Variants in MYO18A observed in about 807,000 individuals in gnomAD.
MYO18A encodes the protein unconventional myosin-XVIIIa.
In MYO18A, 78 loss-of-function variants were observed where a neutral mutation model predicts 235.8. That is an observed-to-expected ratio of 0.33 (90% CI 0.28 to 0.40). The LOEUF is 0.40. MYO18A is among the 10% of genes least tolerant of loss of function. The pLI is 1.00. For synonymous variants in MYO18A, 977 were observed against 1,077.8 expected (o/e 0.91, Z 1.83); for missense variants, 2,215 against 2,699.3 (o/e 0.82, Z 3.98).
Position 29,110,029 on chromosome 17 carries a change from A to C in MYO18A, c.3160T>G (p.Trp1054Gly). ...VHCFLPVAEG[W>G]AGEPRSASSR... ...GAGGCGGAACGGGGCTCCCCAGCCC[A>C]GCCCTCAGCTACAGGCAGGAAGCAG... Residue 1054 changes from tryptophan to glycine, a missense_variant, in exon 19 of 42, where the codon TGG becomes GGG. Physicochemically the swap from Trp to Gly is radical, Grantham distance 184. Transcript: ENST00000527372. 1.2e-6 allele frequency: 2 copies of C among 1,613,270 alleles called. No individual in the cohort carries two copies. Among genetic ancestry groups the C allele is most frequent in the Non-Finnish European group, 1.7e-6 (2 of 1,179,792 alleles).
At chr17:29,078,330 T>A (rs2066035297) in intron 41 of MYO18A, 1 of 152,252 alleles carries the variant, frequency 6.6e-6, no homozygotes, top group African/African-American at 2.4e-5. Context: ...CTTGTCTTAC[T>A]ATGGAGCCAA....
At chr17:29,097,938 C>T (rs374191554) in intron 25 of MYO18A, 39 bp from the exon 26 acceptor site, 9 of 1,590,024 alleles carry the variant, frequency 5.7e-6, no homozygotes, top group Non-Finnish European at 6.9e-6. Context: ...CATTCCATCC[C>T]CTCATACCCA....
rs1225937544 is a variant in MYO18A, at chr17:29,111,479, T to C, written c.2845A>G (p.Thr949Ala). 3 of 1,612,392 alleles carry C rather than the reference T, an allele frequency of 1.9e-6. No homozygotes were observed. In the Admixed American group the frequency reaches 5.0e-5, roughly 27 times the overall value. Reference sequence around the variant, plus strand: ...TTCTGGGTGGCTGGGTTCTGCTTGGTGTAGTTCAGCCAGCCAGTCACATTG... The same window carrying C: ...TTCTGGGTGGCTGGGTTCTGCTTGGCGTAGTTCAGCCAGCCAGTCACATTG... ...EYNVTGWLNY[T>A]KQNPATQNAP... Residue 949 changes from threonine (T) to alanine (A), a missense_variant, in exon 17 of 42, where the codon ACC becomes GCC. Transcript: ENST00000527372. The surrounding 1 kb of genome is among the most constrained non-coding windows in gnomAD (Gnocchi z 5.1).
rs148384985 is a variant in MYO18A at position 29,151,692 on chromosome 17, T to C, written c.999+14250A>G. Among the ~76,000 whole-genome samples the C allele has an allele frequency of 1.6e-4, 24 of 152,320 alleles. No individual in the cohort carries two copies. In the East Asian group the frequency reaches 4.6e-3, roughly 29 times the overall value. On this transcript the variant is annotated intron_variant, in intron 2 of 41. Transcript: ENST00000527372. The stretch of plus-strand genomic sequence containing the variant: ...AATGGTTCCTTGTTTCTGCATTCTC[T>C]GGGCCAAGCACGAGTAAGACATCTG...
intron 1 of MYO18A, among the ~76,000 whole-genome samples, chr17:29,173,985 G>A (rs954270123): frequency 4.0e-5 from 6 of 151,712 alleles, no homozygotes; most frequent in African/African-American, 1.5e-4. Flanking sequence ...TTCTGTCCAG[G>A]CTGGTCTCAA....
At chr17:29,096,572 G>C (rs531323535) in intron 28 of MYO18A, among the ~76,000 whole-genome samples, 189 bp downstream of exon 28, 5 of 152,186 alleles carry the variant, frequency 3.3e-5, no homozygotes, top group African/African-American at 4.8e-5. Context: ...CCTTCAGTGG[G>C]GACACAGCCT....
intron 40 of MYO18A, among the ~76,000 whole-genome samples, chr17:29,083,425 G>T (rs1329381240): frequency 6.6e-6 from 1 of 151,318 alleles, no homozygotes; most frequent in Non-Finnish European, 1.5e-5. Flanking sequence ...GATAGGCTAG[G>T]GTTTCTCCTC....
At chr17:29,116,230 G>A (rs114769606) in intron 11 of MYO18A, among the ~76,000 whole-genome samples, 6 of 152,304 alleles carry the variant, frequency 3.9e-5, no homozygotes, top group Non-Finnish European at 2.9e-5. Context: ...TTGAGAGATC[G>A]CTCATGCCTC....
At chr17:29,102,089 G>A (rs189233687) in intron 21 of MYO18A, among the ~76,000 whole-genome samples, 13 of 152,306 alleles carry the variant, frequency 8.5e-5, no homozygotes, top group African/African-American at 2.9e-4. Context: ...TCCCAAACTA[G>A]ATGTGAGCAG....
Position 29,098,915 on chromosome 17 carries a change from C to T in MYO18A, c.3691G>A (p.Val1231Met). 2 of 1,613,952 alleles carry T rather than the reference C, an allele frequency of 1.2e-6. No homozygotes were observed. Among genetic ancestry groups the T allele is most frequent in the South Asian group, 1.1e-5 (1 of 91,078 alleles). Residue 1231 changes from valine to methionine, a missense_variant, in exon 23 of 42, where the codon GTG becomes ATG. By Grantham distance (21) the Val-to-Met change is conservative (BLOSUM62 1). Coordinates refer to ENST00000527372, the MANE Select transcript of MYO18A (RefSeq NM_078471.4). ...AGCTTCCACCAGGGCCAGTCCTTCA[C>T]CCCTTTGTTCTTCTTGATGTTCTTC... ...VQKNIKKNKGVKDWPWWKLFT... is the reference protein window; with the variant it reads ...VQKNIKKNKGMKDWPWWKLFT...
At chr17:29,080,919 T>TATAA (rs1407106766) in intron 41 of MYO18A, 3 of 985,186 alleles carry the variant, frequency 3.0e-6, no homozygotes, top group Non-Finnish European at 3.6e-6. Context: ...TGGAGTCCTT[T>TATAA]AGGGTGAGCC....
chr17:29,138,832 C>T (rs1438728903), intron 2 of MYO18A, among the ~76,000 whole-genome samples: 1 of 152,222 alleles, frequency 6.6e-6, no homozygotes, highest in Non-Finnish European at 1.5e-5. Context: ...ACGCCCTGCC[C>T]TCCATTTCCC....
Position 29,121,208 on chromosome 17 carries a change from T to A in MYO18A, c.1375A>T (p.Met459Leu). 1.2e-6 allele frequency: 2 copies of A among 1,604,696 alleles called. No homozygotes were observed. The highest frequency in any genetic ancestry group is 4.5e-5 in the East Asian group (2 of 44,522). ...CGCCGACAACCCTTGAACATGTGCA[T>A]CACCTTGGGCAGGAGAGCAAGGGAG... ...GAPAVYSEKV[M>L]HMFKGCRRED... is the part of the protein sequence containing the mutation. Residue 459 changes from methionine (M) to leucine (L), a missense_variant, in exon 6 of 42, where the codon ATG becomes TTG. Met to Leu is a conservative substitution (Grantham distance 15). Coordinates refer to ENST00000527372, the MANE Select transcript of MYO18A (RefSeq NM_078471.4). This position sits in a 1 kb window ranked among gnomAD's most constrained non-coding sequence, Gnocchi z 4.2.
intron 28 of MYO18A, among the ~76,000 whole-genome samples, chr17:29,095,339 C>G (rs1385956134): frequency 6.6e-6 from 1 of 152,218 alleles, no homozygotes; most frequent in Non-Finnish European, 1.5e-5. Flanking sequence ...CAGGCCCCCT[C>G]AGGAGTTAAG....
At position 29,121,678 on chromosome 17, in the gene MYO18A, C is replaced by G. The variant is rs1381527787; in HGVS notation, c.1240G>C (p.Val414Leu). The change falls in exon 5 of 42, where the codon GTG becomes CTG. Residue 414 changes from valine (V) to leucine (L), a missense_variant. By Grantham distance (32) the Val-to-Leu change is conservative. Transcript: ENST00000527372. The surrounding 1 kb of genome is among the most constrained non-coding windows in gnomAD (Gnocchi z 4.2). ...CDRLEDLASL[V>L]YLNESSVLHT... ...AGGACGCTGGACTCATTGAGGTACACCAGTGAGGCCAGATCCTCCAGACGG... is the reference window on the plus strand; with the variant it reads ...AGGACGCTGGACTCATTGAGGTACAGCAGTGAGGCCAGATCCTCCAGACGG... 2 of 1,563,874 alleles carry G rather than the reference C, an allele frequency of 1.3e-6. No homozygotes were observed. The highest frequency in any genetic ancestry group is 1.4e-5 in the African/African-American group (1 of 73,610).
chr17:29,135,416 T>C (rs559165143), intron 2 of MYO18A, among the ~76,000 whole-genome samples: 1 of 148,396 alleles, frequency 6.7e-6, no homozygotes, highest in East Asian at 2.0e-4. Flanking sequence ...ACTGGTTCAT[T>C]CTTAAAACTG....
chr17:29,085,769 CTGGT>C, intron 39 of MYO18A, 121 bp from the exon 40 acceptor site: 10 of 974,942 alleles, frequency 1.0e-5, no homozygotes, highest in Non-Finnish European at 1.6e-5. Context: ...CCAGCTCTGG[CTGGT>C]TGAGACCAGG....
chr17:29,103,856 C>G lies in MYO18A; in HGVS notation c.3442-192G>C, dbSNP rs576525855. 3.1e-4 allele frequency among the ~76,000 whole-genome samples: 47 copies of G among 152,376 alleles called. No individual in the cohort carries two copies. In the South Asian group the frequency reaches 9.5e-3, roughly 31 times the overall value. ...AGAGATGACTACGAGAGGAACAAAC[C>G]GTCTTGCTGGGGAGCAAGACAAGTG... On this transcript the variant is annotated intron_variant, in intron 20 of 41. Coordinates refer to ENST00000527372, the MANE Select transcript of MYO18A (RefSeq NM_078471.4).
chr17:29,148,985 C>T lies in MYO18A; in HGVS notation c.999+16957G>A, dbSNP rs569068855. Among the ~76,000 whole-genome samples, 5 of 152,366 alleles carry T rather than the reference C, an allele frequency of 3.3e-5. No homozygotes were observed. The East Asian group carries it at 7.7e-4, about 24-fold the overall frequency. On this transcript the variant is annotated intron_variant, in intron 2 of 41. Coordinates refer to ENST00000527372, the MANE Select transcript of MYO18A (RefSeq NM_078471.4). ...GGTGGGGCCAAGCCCAGCACATGCG[C>T]CTAGAGCCCTGGAAGCTCCGCCCTG...
Sources: gnomAD v4.1 joint callset for allele counts (sites outside exome capture counted in the v4.1 genomes callset) on GRCh38, gnomAD v4.1.1 for gene constraint, Gnocchi (gnomAD v3.1) non-coding constraint, MANE v1.5 for transcripts, NCBI Gene and HGNC (gene_info 2026-07-23, HGNC 2026-07-21) for gene names.